The following WDR7 variants were observed in gnomAD, a reference collection of about 807,000 sequenced individuals.
The protein encoded by WDR7 is WD repeat-containing protein 7.
Under a neutral mutation model 169.4 loss-of-function variants are expected in WDR7, and 46 were observed. That is an observed-to-expected ratio of 0.27 (90% CI 0.21 to 0.35). The LOEUF (loss-of-function observed/expected upper bound fraction) is 0.35. Among genes scored for constraint, WDR7 ranks in the 10% least tolerant of loss-of-function variants. The pLI is 1.00. For missense variants in WDR7, 1,534 were observed against 1,859.3 expected, an observed-to-expected ratio of 0.83 and a Z score of 3.22; for synonymous variants, 612 against 666.8, an observed-to-expected ratio of 0.92 and a Z score of 1.27.
rs2044318627 is a variant in WDR7 at position 56,781,580 on chromosome 18, T to G, written c.3114T>G (p.Ile1038Met). 6.2e-7 allele frequency: 1 copy of G among 1,612,542 alleles called. No homozygotes were observed. The highest frequency in any genetic ancestry group is 8.5e-7 in the Non-Finnish European group (1 of 1,179,288). The change falls in exon 19 of 28, where the codon ATT becomes ATG. Residue 1038 changes from isoleucine (I) to methionine (M), a missense_variant. Coordinates refer to ENST00000254442, the MANE Select transcript of WDR7 (RefSeq NM_015285.3). ...TGCTTCTGGCGGAACTGAGAAGAATTGAGCAGGCAGGCAGGAAGGAAGCCA... is the reference window on the plus strand; with the variant it reads ...TGCTTCTGGCGGAACTGAGAAGAATGGAGCAGGCAGGCAGGAAGGAAGCCA... Reference protein sequence around the residue: ...QALLLAELRRIEQAGRKEAID... With the variant: ...QALLLAELRRMEQAGRKEAID...
intron 26 of WDR7, among the ~76,000 whole-genome samples, chr18:56,999,562 A>G (rs968208930): frequency 1.3e-5 from 2 of 152,122 alleles, no homozygotes; most frequent in Non-Finnish European, 1.5e-5. Context: ...AGTCTGGGCT[A>G]TCTAAGTCCT....
intron 12 of WDR7, among the ~76,000 whole-genome samples, chr18:56,706,101 G>C (rs182502700): frequency 2.6e-5 from 4 of 152,322 alleles, no homozygotes; most frequent in Middle Eastern, 6.8e-3. Flanking sequence ...GCCTACTTAG[G>C]TAGGGAAGAA....
chr18:56,941,044 T>C (rs1434213820), intron 25 of WDR7, among the ~76,000 whole-genome samples: 1 of 152,196 alleles, frequency 6.6e-6, no homozygotes, highest in Non-Finnish European at 1.5e-5. Context: ...GAGTTCTATT[T>C]TGTTTATCAA....
At chr18:56,756,100 GTTC>G (rs1227535479) in intron 14 of WDR7, among the ~76,000 whole-genome samples, 4 of 152,122 alleles carry the variant, frequency 2.6e-5, no homozygotes, top group African/African-American at 9.7e-5. Context: ...ACTGTAATAT[GTTC>G]TTTATTCAGG....
chr18:56,745,208 G>A (rs2043683937), intron 14 of WDR7, among the ~76,000 whole-genome samples: 1 of 152,140 alleles, frequency 6.6e-6, no homozygotes, highest in Non-Finnish European at 1.5e-5. Context: ...GAACCTAATA[G>A]GAACTTGCAA....
At chr18:56,930,623 G>A (rs939907578) in intron 22 of WDR7, among the ~76,000 whole-genome samples, 1 of 152,200 alleles carries the variant, frequency 6.6e-6, no homozygotes, top group African/African-American at 2.4e-5. Flanking sequence ...AGGAATTGAA[G>A]ATATCTTGTG....
Position 57,024,649 on chromosome 18 carries a change from A to G in WDR7, c.4270-2355A>G, listed in dbSNP as rs76367080. ...GCTATGATAGTTATGTCCCTTATAG[A>G]ATTTCACATATCCCTATTCTCAGAC... On this transcript the variant is annotated intron_variant, in intron 27 of 27. Transcript: ENST00000254442. Among the ~76,000 whole-genome samples, 18 of 101,362 alleles carry G rather than the reference A, an allele frequency of 1.8e-4. 1 individual carries two copies. The highest frequency in any genetic ancestry group is 3.1e-4 in the South Asian group (1 of 3,218). 66.5% of individuals were successfully genotyped at this position (101,362 alleles called of 152,430 possible).
chr18:56,952,699 G>T (rs1269156050), intron 25 of WDR7, among the ~76,000 whole-genome samples: 1 of 152,150 alleles, frequency 6.6e-6, no homozygotes, highest in East Asian at 1.9e-4. Flanking sequence ...CAAACGGATA[G>T]TTTTTTAAAA....
intron 12 of WDR7, among the ~76,000 whole-genome samples, chr18:56,711,955 G>GT (rs2026095726): frequency 6.6e-6 from 1 of 152,138 alleles, no homozygotes; most frequent in Non-Finnish European, 1.5e-5. Context: ...TTTACAGCAT[G>GT]TCTAATGATG....
chr18:56,903,233 G>A (rs1251315507), intron 21 of WDR7, among the ~76,000 whole-genome samples: 1 of 152,022 alleles, frequency 6.6e-6, no homozygotes, highest in Non-Finnish European at 1.5e-5. Flanking sequence ...TAAAGATGGT[G>A]TTTCACTGAG....
intron 21 of WDR7, among the ~76,000 whole-genome samples, chr18:56,889,041 G>C (rs2046232617): frequency 6.6e-6 from 1 of 152,146 alleles, no homozygotes; most frequent in Non-Finnish European, 1.5e-5. Flanking sequence ...GATTGGAAAA[G>C]GGTTGGGAGG....
chr18:56,805,165 A>T (rs1297834342), intron 19 of WDR7, among the ~76,000 whole-genome samples: 1 of 152,126 alleles, frequency 6.6e-6, no homozygotes, highest in Non-Finnish European at 1.5e-5. Flanking sequence ...AATCCAGTTA[A>T]ATTGATACCA....
At position 56,953,582 on chromosome 18, in the gene WDR7, G is replaced by A. The variant is rs566288371; in HGVS notation, c.4065-8848G>A. 8.9e-4 allele frequency among the ~76,000 whole-genome samples: 136 copies of A among 152,380 alleles called. 1 individual carries two copies. The highest frequency in any genetic ancestry group is 3.1e-3 in the African/African-American group (131 of 41,600). On this transcript the variant is annotated intron_variant, in intron 25 of 27. Transcript: ENST00000254442. ...ATGCTGGGCCTGTCAGGCAGTCCCT[G>A]CCCTAAAGGGCCTTAAAGTTGGCTT...
At chr18:56,719,782 C>T (rs1346084716) in intron 13 of WDR7, among the ~76,000 whole-genome samples, 1 of 152,144 alleles carries the variant, frequency 6.6e-6, no homozygotes, top group Non-Finnish European at 1.5e-5. Flanking sequence ...ACACTGTGAT[C>T]TATTCCAAGT....
chr18:56,735,882 G>C (rs902960845), intron 14 of WDR7, among the ~76,000 whole-genome samples: 1 of 152,072 alleles, frequency 6.6e-6, no homozygotes, highest in Admixed American at 6.6e-5. Flanking sequence ...ATAGTTTGCC[G>C]ACCCCTACAT....
chr18:56,688,417 A>T (rs1040221689), intron 7 of WDR7, among the ~76,000 whole-genome samples: 1 of 152,062 alleles, frequency 6.6e-6, no homozygotes, highest in African/African-American at 2.4e-5. Context: ...AAACAGATGC[A>T]AATAGTAATA....
In WDR7 at chr18:56,923,929, A is replaced by G; in HGVS notation, c.3534A>G (p.Ala1178=). ...TTTATTCTATAATTTCAGGCAAGGC[A>G]CTGACGTTTCTTCTGCTACAGCCTC... is the stretch of plus-strand genomic sequence containing the variant. ...NYSLARHTCK[A]LTFLLLQPPS... is the part of the protein sequence containing the mutation. Residue 1178 remains alanine (A), a synonymous_variant, in exon 22 of 28, where the codon GCA becomes GCG. Coordinates refer to ENST00000254442, the MANE Select transcript of WDR7 (RefSeq NM_015285.3). 1 of 1,555,616 alleles carries G rather than the reference A, an allele frequency of 6.4e-7. No individual in the cohort carries two copies.
intron 20 of WDR7, among the ~76,000 whole-genome samples, chr18:56,872,176 C>T (rs2045961938): frequency 6.6e-6 from 1 of 152,080 alleles, no homozygotes; most frequent in Admixed American, 6.5e-5. Context: ...GATTCCTATT[C>T]CAGTTAAAAC....
intron 7 of WDR7, among the ~76,000 whole-genome samples, chr18:56,690,835 G>A (rs1046961682): frequency 2.0e-5 from 3 of 151,308 alleles, no homozygotes; most frequent in African/African-American, 7.3e-5. Context: ...AAAAAATGCT[G>A]TTACTAGACA....
Sources: gnomAD v4.1 joint callset for allele counts (sites outside exome capture counted in the v4.1 genomes callset) on GRCh38, gnomAD v4.1.1 for gene constraint, MANE v1.5 for transcripts, NCBI Gene and HGNC (gene_info 2026-07-23, HGNC 2026-07-21) for gene names.